Variants in AFF2 observed in about 807,000 individuals in gnomAD.
AFF2 encodes AF4/FMR2 family member 2.
In AFF2, 14 loss-of-function variants were observed where a neutral mutation model predicts 76.9. The ratio of observed to expected loss-of-function variants is 0.18; its 90% CI spans 0.12 to 0.28. The LOEUF is 0.28. Ranked by LOEUF, AFF2 falls within the 10% of genes least tolerant of loss-of-function variation. The pLI is 1.00. For missense variants in AFF2, 868 were observed against 1,001.1 expected, an observed-to-expected ratio of 0.87 and a Z score of 1.79; for synonymous variants, 398 against 366.7, an observed-to-expected ratio of 1.09 and a Z score of -0.98.
At chrX:148,984,489 C>A (rs929435746) in intron 19 of AFF2, among the ~76,000 whole-genome samples, 1 of 111,588 alleles carries the variant, frequency 9.0e-6, no homozygotes, top group Non-Finnish European at 1.9e-5. Flanking sequence ...GTGAGTGGGC[C>A]CTGCATCAGC....
intron 8 of AFF2, among the ~76,000 whole-genome samples, chrX:148,897,283 A>ATAC (rs1172540270): frequency 7.4e-4 from 45 of 60,599 alleles, no homozygotes; most frequent in Non-Finnish European, 1.2e-3. Context: ...GTATATGAAA[A>ATAC]ATATATATAT....
rs368039291 is a variant in AFF2 at position 148,829,221 on chromosome X, G to A, written c.1087-8426G>A. Among the ~76,000 whole-genome samples the A allele has an allele frequency of 1.1e-4, 12 of 112,328 alleles. No homozygotes were observed. The East Asian group carries it at 1.1e-3, about 10-fold the overall frequency. ...TTGCATTGACCCATTGTTATGCCAT[G>A]GCCAAGAAGTTATGTTTAATGTAAC... On this transcript the variant is annotated intron_variant, in intron 4 of 20. Transcript: ENST00000370460.
intron 1 of AFF2, among the ~76,000 whole-genome samples, chrX:148,582,082 A>G (rs1351482186): frequency 9.0e-6 from 1 of 111,302 alleles, no homozygotes; most frequent in Non-Finnish European, 1.9e-5. Flanking sequence ...TTGTCTTATT[A>G]GTTTTGTCTT....
intron 5 of AFF2, among the ~76,000 whole-genome samples, chrX:148,839,929 G>GTGTGTT (rs1490383021): frequency 2.8e-5 from 3 of 106,608 alleles, no homozygotes; most frequent in African/African-American, 1.1e-4. Flanking sequence ...GTGTGTGTGT[G>GTGTGTT]TGTGTGTATG....
At chrX:148,627,502 T>C (rs371805092) in intron 1 of AFF2, among the ~76,000 whole-genome samples, 47 of 111,581 alleles carry the variant, frequency 4.2e-4, no homozygotes, top group African/African-American at 1.5e-3. Context: ...ATTGTAACCA[T>C]TGGCCTGGGA....
At chrX:148,795,520 T>C (rs2069955726) in intron 3 of AFF2, among the ~76,000 whole-genome samples, 1 of 107,777 alleles carries the variant, frequency 9.3e-6, no homozygotes, top group Admixed American at 1.0e-4. Flanking sequence ...AAAATATACC[T>C]GGCCATGCTC....
At chrX:148,723,678 G>A (rs1030018332) in intron 3 of AFF2, among the ~76,000 whole-genome samples, 1 of 111,055 alleles carries the variant, frequency 9.0e-6, no homozygotes, top group African/African-American at 3.3e-5. Flanking sequence ...AGTGATGAAT[G>A]CCTTGACTGG....
chrX:148,747,532 G>T (rs1208741118), intron 3 of AFF2, among the ~76,000 whole-genome samples: 3 of 111,674 alleles, frequency 2.7e-5, no homozygotes, highest in African/African-American at 9.8e-5. Context: ...TTTGGTTTTT[G>T]ATTCGTCTTT....
At chrX:148,797,160 C>G (rs2069995417) in intron 3 of AFF2, among the ~76,000 whole-genome samples, 1 of 112,336 alleles carries the variant, frequency 8.9e-6, no homozygotes, top group Non-Finnish European at 1.9e-5. Flanking sequence ...GAGACTTCTA[C>G]TAGCTAGAGA....
chrX:148,711,212 T>G (rs1393790108), intron 3 of AFF2, among the ~76,000 whole-genome samples: 2 of 111,727 alleles, frequency 1.8e-5, no homozygotes, highest in African/African-American at 6.5e-5. Flanking sequence ...AAGGCTAGAA[T>G]CCAATTCAGC....
intron 3 of AFF2, among the ~76,000 whole-genome samples, chrX:148,756,173 A>G (rs2055559027): frequency 8.9e-6 from 1 of 112,580 alleles, no homozygotes; most frequent in Admixed American, 9.4e-5. Flanking sequence ...AATAGTGCCT[A>G]CCTTAGAGGG....
chrX:148,654,946 A>C (rs149338094), intron 2 of AFF2, among the ~76,000 whole-genome samples: 7 of 111,473 alleles, frequency 6.3e-5, no homozygotes, highest in Non-Finnish European at 9.4e-5. Context: ...CACTATCCTC[A>C]ACATTATAAT....
chrX:148,759,681 T>C (rs1209162571), intron 3 of AFF2, among the ~76,000 whole-genome samples: 1 of 112,107 alleles, frequency 8.9e-6, no homozygotes, highest in Non-Finnish European at 1.9e-5. Flanking sequence ...ACATTTTTCA[T>C]TATGTTTTGA....
intron 1 of AFF2, among the ~76,000 whole-genome samples, chrX:148,534,043 C>A (rs782287548): frequency 1.8e-5 from 2 of 112,151 alleles, no homozygotes; most frequent in Admixed American, 9.4e-5. Context: ...CCTGGCAAAT[C>A]TATTGAGGAA....
At chrX:148,829,269 T>C (rs1176599696) in intron 4 of AFF2, among the ~76,000 whole-genome samples, 1 of 112,314 alleles carries the variant, frequency 8.9e-6, no homozygotes, top group African/African-American at 3.2e-5. Context: ...ACTTCCTCTC[T>C]ATGAGCACTT....
In AFF2 at chrX:148,881,592, G is replaced by A. The variant is rs147504025; in HGVS notation, c.1263-4297G>A. Reference sequence around the variant, plus strand: ...ATGGATTTAGGCCATTTCTAGAAGAGTAAACCAAAGCTCCGAAACTTTCCA... The same window carrying A: ...ATGGATTTAGGCCATTTCTAGAAGAATAAACCAAAGCTCCGAAACTTTCCA... On this transcript the variant is annotated intron_variant, in intron 7 of 20. Transcript: ENST00000370460. Among the ~76,000 whole-genome samples, 354 of 111,578 alleles carry A rather than the reference G, an allele frequency of 3.2e-3. 2 individuals carry two copies. Among genetic ancestry groups the A allele is most frequent in the African/African-American group, 0.011 (340 of 30,681 alleles).
intron 1 of AFF2, among the ~76,000 whole-genome samples, chrX:148,561,076 T>C (rs1055706146): frequency 4.4e-5 from 5 of 112,451 alleles, no homozygotes; most frequent in Non-Finnish European, 9.4e-5. Flanking sequence ...GAAGTCTATG[T>C]CTTTTGCTTT....
chrX:148,793,349 T>C (rs2069925449), intron 3 of AFF2, among the ~76,000 whole-genome samples: 1 of 112,091 alleles, frequency 8.9e-6, no homozygotes, highest in African/African-American at 3.2e-5. Flanking sequence ...ATGTAACTTC[T>C]GTTCTTGCTT....
At chrX:148,751,088 T>G (rs1221657043) in intron 3 of AFF2, among the ~76,000 whole-genome samples, 1 of 112,688 alleles carries the variant, frequency 8.9e-6, no homozygotes, top group South Asian at 3.7e-4. Flanking sequence ...CTCCAGTGTT[T>G]GCTGACTATA....
Sources: allele counts gnomAD v4.1 joint callset (sites outside exome capture counted in the v4.1 genomes callset), GRCh38; gene constraint gnomAD v4.1.1; transcripts MANE v1.5; gene names NCBI Gene and HGNC (gene_info 2026-07-23, HGNC 2026-07-21).